The following TCF12 variants were observed in gnomAD, a reference collection of about 807,000 sequenced individuals.
TCF12 encodes DNA-binding protein HTF4.
In TCF12, 45 loss-of-function variants were observed where a neutral mutation model predicts 86.0. That is an observed-to-expected ratio of 0.52 (90% CI 0.41 to 0.67). The LOEUF (loss-of-function observed/expected upper bound fraction) is 0.67, where lower values mean the gene tolerates loss of function less well. TCF12 is among the 30% of genes least tolerant of loss of function. TCF12 has a pLI of 0.00. For synonymous variants in TCF12, 330 were observed against 299.6 expected, an observed-to-expected ratio of 1.10 and a Z score of -1.05; for missense variants, 881 against 859.9, an observed-to-expected ratio of 1.02 and a Z score of -0.31.
intron 3 of TCF12, among the ~76,000 whole-genome samples, chr15:57,033,477 T>C (rs1169157337): frequency 3.9e-5 from 6 of 152,160 alleles, no homozygotes; most frequent in African/African-American, 1.4e-4. Context: ...ATGGCAAATG[T>C]TTTCCCCACA....
intron 3 of TCF12, among the ~76,000 whole-genome samples, chr15:56,950,752 T>C (rs1243867726): frequency 2.8e-5 from 4 of 141,010 alleles, no homozygotes; most frequent in Admixed American, 7.1e-5. Context: ...CATGTTTTTT[T>C]TTTTTTTTTT....
At chr15:56,980,731 T>G (rs1338500867) in intron 3 of TCF12, among the ~76,000 whole-genome samples, 2 of 152,192 alleles carry the variant, frequency 1.3e-5, no homozygotes, top group East Asian at 3.8e-4. Context: ...AGCCTCCAAT[T>G]TCAGTTGTCT....
intron 4 of TCF12, among the ~76,000 whole-genome samples, chr15:57,077,327 ATGTGTGTGTGTGTGTGTG>A (rs1172206511): frequency 1.9e-4 from 5 of 25,702 alleles, no homozygotes; most frequent in African/African-American, 6.3e-4. Flanking sequence ...ATGTATATAT[ATGTGTGTGTGTGTGTGTG>A]TGTGTGTGTG....
chr15:57,075,826 C>T (rs756567144), intron 4 of TCF12, among the ~76,000 whole-genome samples: 2,815 of 61,860 alleles, frequency 0.046, 175 homozygotes, highest in Middle Eastern at 0.089. Context: ...CTCTCTCTCT[C>T]TCTCTCTCTT....
intron 3 of TCF12, among the ~76,000 whole-genome samples, chr15:56,924,569 G>T (rs990106499): frequency 1.3e-5 from 2 of 151,998 alleles, no homozygotes; most frequent in East Asian, 3.8e-4. Context: ...TTATGAGTAG[G>T]GTGTGGTTCA....
At chr15:57,054,291 G>A (rs901596973) in intron 3 of TCF12, among the ~76,000 whole-genome samples, 3 of 152,116 alleles carry the variant, frequency 2.0e-5, no homozygotes, top group Non-Finnish European at 2.9e-5. Context: ...AATTGTGTTA[G>A]GTAATCAGCA....
At chr15:57,077,381 A>T (rs55877661) in intron 4 of TCF12, among the ~76,000 whole-genome samples, 1,220 of 108,358 alleles carry the variant, frequency 0.011, 66 homozygotes, top group African/African-American at 0.041. Flanking sequence ...GTGTATATAT[A>T]TTTTTTTTTT....
chr15:57,104,566 G>A (rs1276588764), intron 5 of TCF12, among the ~76,000 whole-genome samples: 1 of 143,608 alleles, frequency 7.0e-6, no homozygotes, highest in African/African-American at 2.5e-5. Flanking sequence ...CTCAGCCTCC[G>A]GAGTAGCTGG....
intron 4 of TCF12, 66 bp downstream of exon 4, chr15:57,063,889 A>C: frequency 8.2e-7 from 1 of 1,213,982 alleles, no homozygotes; most frequent in Non-Finnish European, 1.2e-6. Context: ...TCTTTCATAT[A>C]TGCTGTTTCT....
At chr15:57,132,100 AAAAT>A (rs2052169122) in intron 5 of TCF12, among the ~76,000 whole-genome samples, 1 of 152,172 alleles carries the variant, frequency 6.6e-6, no homozygotes, top group Non-Finnish European at 1.5e-5. Context: ...GTAGTGAGCT[AAAAT>A]TGTGCCACTA....
At chr15:57,119,880 C>T (rs2051107928) in intron 5 of TCF12, among the ~76,000 whole-genome samples, 1 of 152,140 alleles carries the variant, frequency 6.6e-6, no homozygotes, top group Non-Finnish European at 1.5e-5. Context: ...TTTTGGACCA[C>T]CAACCTTGTT....
At chr15:57,197,287 G>A (rs1435789639) in intron 7 of TCF12, among the ~76,000 whole-genome samples, 1 of 150,692 alleles carries the variant, frequency 6.6e-6, no homozygotes, top group Admixed American at 6.6e-5. Context: ...CTCCCGAGTC[G>A]CTGGGATTAC....
chr15:57,288,782 C>G lies in TCF12; in HGVS notation c.*2637C>G, dbSNP rs1251441023. 1 of 152,042 alleles carries G rather than the reference C, an allele frequency of 6.6e-6. No individual in the cohort carries two copies. Among genetic ancestry groups the G allele is most frequent in the Non-Finnish European group, 1.5e-5 (1 of 68,020 alleles). The allele number at this position is 152,042 out of a possible 1,614,324, so 9.4% of individuals were successfully genotyped here. Reference sequence around the variant, plus strand: ...TTCCTAAAGATTGACCAAACAGCAACTAGTAGTTATAGAAAATCTACTCAT... The same window carrying G: ...TTCCTAAAGATTGACCAAACAGCAAGTAGTAGTTATAGAAAATCTACTCAT... On this transcript the variant is annotated 3_prime_UTR_variant, in exon 21 of 21. Transcript: ENST00000333725.
chr15:57,139,272 A>G (rs1197439050), intron 5 of TCF12, among the ~76,000 whole-genome samples: 1 of 152,128 alleles, frequency 6.6e-6, no homozygotes, highest in Non-Finnish European at 1.5e-5. Context: ...CATGTGTACC[A>G]CAAGAATGAT....
intron 13 of TCF12, among the ~76,000 whole-genome samples, chr15:57,250,966 TGTA>T (rs2060088173): frequency 6.9e-6 from 1 of 145,452 alleles, no homozygotes; most frequent in South Asian, 2.1e-4. Context: ...GAAATAATAA[TGTA>T]GTCATTAATA....
intron 6 of TCF12, among the ~76,000 whole-genome samples, chr15:57,190,074 G>A (rs149588277): frequency 1.3e-5 from 2 of 152,290 alleles, no homozygotes; most frequent in Non-Finnish European, 2.9e-5. Flanking sequence ...CATGGGCTAG[G>A]GGAGGGTGGA....
At chr15:56,939,967 G>GTGT (rs1555452072) in intron 3 of TCF12, among the ~76,000 whole-genome samples, 9 of 104,718 alleles carry the variant, frequency 8.6e-5, no homozygotes, top group African/African-American at 3.1e-4. Flanking sequence ...TTAATAGCGT[G>GTGT]TTTTTTTTTT....
intron 8 of TCF12, among the ~76,000 whole-genome samples, chr15:57,199,573 A>G (rs981869553): frequency 1.3e-5 from 2 of 152,180 alleles, no homozygotes; most frequent in African/African-American, 4.8e-5. Flanking sequence ...ACAGTCTGGA[A>G]GGAGAGTAGA....
At chr15:57,097,789 A>G (rs1282067373) in intron 5 of TCF12, among the ~76,000 whole-genome samples, 1 of 152,118 alleles carries the variant, frequency 6.6e-6, no homozygotes, top group Non-Finnish European at 1.5e-5. Context: ...CACCAAGAGA[A>G]ACTTGAGAGA....
Sources: allele counts gnomAD v4.1 joint callset (sites outside exome capture counted in the v4.1 genomes callset), GRCh38; gene constraint gnomAD v4.1.1; transcripts MANE v1.5; gene names NCBI Gene and HGNC (gene_info 2026-07-23, HGNC 2026-07-21).